The following FAM98A variants were observed in gnomAD, a reference collection of about 807,000 sequenced individuals.
FAM98A encodes the protein tRNA splicing ligase complex subunit 3A.
FAM98A carries 25 observed loss-of-function variants against 62.9 expected under a neutral mutation model. The ratio of observed to expected loss-of-function variants is 0.40; its 90% CI spans 0.29 to 0.56. The LOEUF is 0.56. Ranked by LOEUF, FAM98A falls within the 20% of genes least tolerant of loss-of-function variation. FAM98A has a pLI of 0.51. For missense variants in FAM98A, 653 were observed against 640.7 expected (o/e 1.02, Z -0.21); for synonymous variants, 252 against 228.6 (o/e 1.10, Z -0.92).
intron 1 of FAM98A, among the ~76,000 whole-genome samples, chr2:33,598,322 T>C (rs1013876760): frequency 2.6e-5 from 4 of 152,242 alleles, no homozygotes; most frequent in Non-Finnish European, 5.9e-5. Context: ...TGTAGGTAAG[T>C]ATCTAACCAT....
chr2:33,584,832 C>A lies in FAM98A; in HGVS notation c.1501G>T (p.Gly501Ter). 1 of 1,614,108 alleles carries A rather than the reference C, an allele frequency of 6.2e-7. No individual in the cohort carries two copies. The highest frequency in any genetic ancestry group is 1.7e-5 in the Admixed American group (1 of 60,016). The stretch of plus-strand genomic sequence containing the variant: ...CCAGAATGATTATACTGATAACCTC[C>A]ATGCTGGAAATGCTGTTCAAATTGA... ...GGQFEQHFQH[G>*]GYQYNHSGFG... Residue 501 changes from glycine (G) to a stop codon, truncating the protein, a stop_gained, in exon 8 of 8, where the codon GGA becomes TGA. Transcript: ENST00000238823. LOFTEE classifies it high-confidence loss of function.
intron 1 of FAM98A, among the ~76,000 whole-genome samples, chr2:33,597,544 C>T (rs1179942579): frequency 1.3e-5 from 2 of 151,418 alleles, no homozygotes; most frequent in African/African-American, 4.9e-5. Flanking sequence ...ACTACAGTAA[C>T]AATTACTTGT....
chr2:33,592,951 A>G (rs1677706853), intron 2 of FAM98A, among the ~76,000 whole-genome samples: 1 of 152,104 alleles, frequency 6.6e-6, no homozygotes, highest in Non-Finnish European at 1.5e-5. Context: ...CCTGTGACAG[A>G]TATGTCCTCT....
Position 33,599,207 on chromosome 2 carries a change from G to A in FAM98A, c.15C>T (p.Leu5=). The A allele has an allele frequency of 1.2e-6, 2 of 1,613,914 alleles. No homozygotes were observed. The highest frequency in any genetic ancestry group is 2.2e-5 in the East Asian group (1 of 44,864). Residue 5 remains leucine, a synonymous_variant, in exon 1 of 8, where the codon CTC becomes CTT. Transcript: ENST00000238823. MECD[L]METDILESLE... ...ACGACTCCAAGATGTCAGTCTCCAT[G>A]AGGTCACACTCCATGCTACTGTGGT...
intron 6 of FAM98A, 55 bp from the exon 7 acceptor site, chr2:33,585,752 A>T: frequency 1.3e-6 from 2 of 1,488,110 alleles, no homozygotes. Context: ...TGACATAAGA[A>T]ACACATATTA....
rs199870418 is a variant in FAM98A, at chr2:33,595,505, G to A, written c.186C>T (p.Asn62=). ...ELRVLCKLEE[N]VQATNSPSEA... Reference sequence around the variant, plus strand: ...TTTACTTACTGTTAGTTGCTTGCACGTTTTCCTCTAGTTTACAGAGCACTC... The same window carrying A: ...TTTACTTACTGTTAGTTGCTTGCACATTTTCCTCTAGTTTACAGAGCACTC... Residue 62 remains asparagine (N), a synonymous_variant, in exon 2 of 8, where the codon AAC becomes AAT. Coordinates refer to ENST00000238823, the MANE Select transcript of FAM98A (RefSeq NM_015475.5). 26 of 1,604,176 alleles carry A rather than the reference G, an allele frequency of 1.6e-5. No individual in the cohort carries two copies. Among genetic ancestry groups the A allele is most frequent in the Admixed American group, 5.2e-5 (3 of 58,032 alleles).
chr2:33,595,296 A>G (rs925299603), intron 2 of FAM98A, among the ~76,000 whole-genome samples, 193 bp downstream of exon 2: 6 of 152,174 alleles, frequency 3.9e-5, no homozygotes, highest in African/African-American at 1.4e-4. Flanking sequence ...TTTAAGTTAC[A>G]TGACTTTATT....
rs762345082 is a variant in FAM98A, at chr2:33,588,481, A to T, written c.376T>A (p.Cys126Ser). The T allele has an allele frequency of 6.2e-6, 10 of 1,613,728 alleles. No homozygotes were observed. In the South Asian group the frequency reaches 7.7e-5, roughly 12 times the overall value. The change falls in exon 4 of 8, where the codon TGT becomes AGT. Residue 126 changes from cysteine (C) to serine (S), a missense_variant. Physicochemically the swap from Cys to Ser is moderately radical, Grantham distance 112. Transcript: ENST00000238823. ...GCTTTTTTTGGAGGAGCATTCACAC[A>T]GAGCATTCTGGCAGCTTCTAGTTCT... ...ISELEAARML[C>S]VNAPPKKAQE...
At chr2:33,599,095 G>C in intron 1 of FAM98A, 74 bp downstream of exon 1, 1 of 1,281,798 alleles carries the variant, frequency 7.8e-7, no homozygotes, top group East Asian at 2.3e-5. Flanking sequence ...AGGTGTCTCA[G>C]ACTGGGGCGC....
intron 5 of FAM98A, chr2:33,587,002 G>A (rs1422169589): frequency 9.5e-6 from 5 of 525,300 alleles, no homozygotes; most frequent in Non-Finnish European, 1.7e-5. Flanking sequence ...CTTAATTTCA[G>A]TTTACTTTTA....
Position 33,595,499 on chromosome 2 carries a change from T to C in FAM98A, c.192A>G (p.Gln64=). The C allele has an allele frequency of 1.2e-6, 2 of 1,605,156 alleles. No homozygotes were observed. The highest frequency in any genetic ancestry group is 1.7e-6 in the Non-Finnish European group (2 of 1,176,810). ...RVLCKLEENV[Q]ATNSPSEAEE... The stretch of plus-strand genomic sequence containing the variant: ...TGAATGTTTACTTACTGTTAGTTGC[T>C]TGCACGTTTTCCTCTAGTTTACAGA... Residue 64 remains glutamine, a synonymous_variant, in exon 2 of 8, where the codon CAA becomes CAG. Coordinates refer to ENST00000238823, the MANE Select transcript of FAM98A (RefSeq NM_015475.5).
Position 33,588,495 on chromosome 2 carries a change from G to C in FAM98A, c.362C>G (p.Ala121Gly). ...LLTYLISELE[A>G]ARMLCVNAPP... ...AGCATTCACACAGAGCATTCTGGCA[G>C]CTTCTAGTTCTGAGATGAGGTATGC... Residue 121 changes from alanine (A) to glycine (G), a missense_variant, in exon 4 of 8, where the codon GCT (alanine) becomes GGT (glycine). Coordinates refer to ENST00000238823, the MANE Select transcript of FAM98A (RefSeq NM_015475.5). 1.2e-6 allele frequency: 2 copies of C among 1,613,522 alleles called. No individual in the cohort carries two copies. Among genetic ancestry groups the C allele is most frequent in the Non-Finnish European group, 1.7e-6 (2 of 1,179,734 alleles).
chr2:33,594,253 C>G (rs571772704), intron 2 of FAM98A, among the ~76,000 whole-genome samples: 1 of 152,014 alleles, frequency 6.6e-6, no homozygotes, highest in Non-Finnish European at 1.5e-5. Flanking sequence ...ATGCAACTAA[C>G]ACGTACACAT....
In FAM98A at chr2:33,595,515, A is replaced by G; in HGVS notation, c.176T>C (p.Leu59Pro). The part of the protein sequence containing the change: ...LVSELRVLCK[L>P]EENVQATNSP... The stretch of plus-strand genomic sequence containing the variant: ...GTTAGTTGCTTGCACGTTTTCCTCT[A>G]GTTTACAGAGCACTCTTAATTCAGA... Residue 59 changes from leucine (L) to proline (P), a missense_variant, in exon 2 of 8, where the codon CTA (leucine) becomes CCA (proline). By Grantham distance (98) the Leu-to-Pro change is moderately conservative. Transcript: ENST00000238823. 1 of 1,607,176 alleles carries G rather than the reference A, an allele frequency of 6.2e-7. No homozygotes were observed. The highest frequency in any genetic ancestry group is 8.5e-7 in the Non-Finnish European group (1 of 1,177,514).
intron 1 of FAM98A, among the ~76,000 whole-genome samples, chr2:33,596,462 A>G (rs564969725): frequency 6.6e-6 from 1 of 152,212 alleles, no homozygotes; most frequent in South Asian, 2.1e-4. Context: ...ATGAACTCCA[A>G]TCACCAATAT....
At chr2:33,597,801 C>T (rs551462517) in intron 1 of FAM98A, among the ~76,000 whole-genome samples, 51 of 152,280 alleles carry the variant, frequency 3.3e-4, no homozygotes, top group African/African-American at 1.2e-3. Flanking sequence ...CCTCAGGGCT[C>T]CTCACAGCAT....
In FAM98A at chr2:33,584,838, G is replaced by A. The variant is rs754830370; in HGVS notation, c.1495C>T (p.Gln499Ter). 1.9e-6 allele frequency: 3 copies of A among 1,614,098 alleles called. No homozygotes were observed. Among genetic ancestry groups the A allele is most frequent in the Non-Finnish European group, 2.5e-6 (3 of 1,179,990 alleles). ...HQGGQFEQHFQHGGYQYNHSG... is the reference protein window; with the variant it reads ...HQGGQFEQHF ...TGATTATACTGATAACCTCCATGCT[G>A]GAAATGCTGTTCAAATTGACCCCCT... The change falls in exon 8 of 8, where the codon CAG becomes TAG. Residue 499 changes from glutamine (Q) to a stop codon, truncating the protein, a stop_gained. Transcript: ENST00000238823. LOFTEE classifies it high-confidence loss of function.
chr2:33,586,752 G>T, intron 5 of FAM98A, 74 bp from the exon 6 acceptor site: 1 of 897,180 alleles, frequency 1.1e-6, no homozygotes, highest in Non-Finnish European at 1.8e-6. Flanking sequence ...CAAAAACTAC[G>T]TCTGTGTCAT....
chr2:33,592,729 G>A (rs1677699549), intron 2 of FAM98A, among the ~76,000 whole-genome samples: 1 of 152,076 alleles, frequency 6.6e-6, no homozygotes. Flanking sequence ...AGTCTTTAAT[G>A]GTTCCCTAAT....
Sources: allele counts gnomAD v4.1 joint callset (sites outside exome capture counted in the v4.1 genomes callset), GRCh38; gene constraint gnomAD v4.1.1; transcripts MANE v1.5; gene names NCBI Gene and HGNC (gene_info 2026-07-23, HGNC 2026-07-21).